The following SGCG variants were observed in gnomAD, a reference collection of about 807,000 sequenced individuals.
The protein encoded by SGCG is sarcoglycan gamma, also known as gamma-sarcoglycan.
Under a neutral mutation model 29.3 loss-of-function variants are expected in SGCG, and 26 were observed. That is an observed-to-expected ratio of 0.89 (90% CI 0.65 to 1.23). The LOEUF (loss-of-function observed/expected upper bound fraction) is 1.23, where lower values mean the gene tolerates loss of function less well. SGCG is among the 50% of genes most tolerant of loss of function. The pLI is 0.00. For synonymous variants in SGCG, 145 were observed against 129.7 expected (o/e 1.12, Z -0.80); for missense variants, 353 against 356.0 (o/e 0.99, Z 0.07).
intron 4 of SGCG, among the ~76,000 whole-genome samples, chr13:23,273,282 T>C (rs1880937824): frequency 6.6e-6 from 1 of 152,120 alleles, no homozygotes; most frequent in Non-Finnish European, 1.5e-5. Context: ...CCTCCTGGGT[T>C]CAAGCAATTC....
At chr13:23,169,602 C>G in the SGCG span, among the ~76,000 whole-genome samples, 1 of 151,710 alleles carries the variant, frequency 6.6e-6, no homozygotes, top group Admixed American at 6.6e-5. Flanking sequence ...TTGCTTGAAC[C>G]AGGGAGGCAA....
At chr13:23,161,707 A>G in the SGCG span, among the ~76,000 whole-genome samples, 1 of 152,366 alleles carries the variant, frequency 6.6e-6, no homozygotes, top group South Asian at 2.1e-4. Context: ...TTTCATGACA[A>G]TATGCTTCCA....
intron 3 of SGCG, among the ~76,000 whole-genome samples, chr13:23,238,151 G>T (rs946972092): frequency 2.0e-5 from 3 of 152,188 alleles, no homozygotes; most frequent in African/African-American, 7.2e-5. Flanking sequence ...CTCACTGCAT[G>T]AAGAGAGTTT....
At chr13:23,173,181 C>T in the SGCG span, among the ~76,000 whole-genome samples, 3,577 of 152,238 alleles carry the variant, frequency 0.023, 140 homozygotes, top group African/African-American at 0.082. Flanking sequence ...CACTCACCCA[C>T]CAGGTAGCGC....
Position 23,256,996 on chromosome 13 carries a change from C to T in SGCG, c.385+6279C>T, listed in dbSNP as rs144317739. Among the ~76,000 whole-genome samples the T allele has an allele frequency of 2.8e-3, 421 of 152,296 alleles. 2 individuals are homozygous for T. The highest frequency in any genetic ancestry group is 5.0e-3 in the Non-Finnish European group (338 of 68,026). The stretch of plus-strand genomic sequence containing the variant: ...TTGAACTAGTTTACACTCCCACCAA[C>T]GGTGTAAAAGCATTCCTATTTCTCC... On this transcript the variant is annotated intron_variant, in intron 4 of 7. Coordinates refer to ENST00000218867, the MANE Select transcript of SGCG (RefSeq NM_000231.3).
At chr13:23,214,661 G>A (rs61948487) in intron 2 of SGCG, among the ~76,000 whole-genome samples, 10,348 of 152,082 alleles carry the variant, frequency 0.068, 473 homozygotes, top group Middle Eastern at 0.15. Context: ...AATGATGCCC[G>A]GCTCACACTG....
intron 1 of SGCG, among the ~76,000 whole-genome samples, chr13:23,191,995 G>A (rs892447534): frequency 6.6e-6 from 1 of 151,870 alleles, no homozygotes; most frequent in African/African-American, 2.4e-5. Context: ...CTAACACGGC[G>A]AAACCCCGTC....
chr13:23,162,066 A>C, the SGCG span, among the ~76,000 whole-genome samples: 1 of 152,234 alleles, frequency 6.6e-6, no homozygotes, highest in African/African-American at 2.4e-5. Context: ...AAAATCAATA[A>C]ACTTTCACGT....
intron 1 of SGCG, among the ~76,000 whole-genome samples, chr13:23,196,559 T>C (rs914890767): frequency 1.8e-4 from 28 of 152,218 alleles, no homozygotes; most frequent in Non-Finnish European, 4.4e-5. Context: ...TTGGTATGTT[T>C]ATTCGTCACG....
At chr13:23,304,366 A>C (rs1882284249) in intron 6 of SGCG, among the ~76,000 whole-genome samples, 1 of 152,014 alleles carries the variant, frequency 6.6e-6, no homozygotes, top group South Asian at 2.1e-4. Flanking sequence ...GTGAGGTATG[A>C]GGTATAAGGT....
intron 4 of SGCG, among the ~76,000 whole-genome samples, chr13:23,261,058 AT>A: frequency 6.6e-6 from 1 of 151,894 alleles, no homozygotes; most frequent in East Asian, 1.9e-4. Flanking sequence ...TGTTCTTTGT[AT>A]TTCCTGAATT....
At chr13:23,191,615 T>C (rs957348338) in intron 1 of SGCG, among the ~76,000 whole-genome samples, 6 of 152,188 alleles carry the variant, frequency 3.9e-5, no homozygotes, top group African/African-American at 1.4e-4. Context: ...CATCATAAAA[T>C]TATCCTTGTA....
At chr13:23,264,665 G>A (rs34821860) in intron 4 of SGCG, among the ~76,000 whole-genome samples, 51,642 of 151,942 alleles carry the variant, frequency 0.34, 9,445 homozygotes, top group Non-Finnish European at 0.4. Flanking sequence ...CACATTACCG[G>A]ACTTCAAATT....
Position 23,218,325 on chromosome 13 carries a change from A to G in SGCG, c.195+14436A>G, listed in dbSNP as rs568427699. Among the ~76,000 whole-genome samples the G allele has an allele frequency of 1.1e-4, 16 of 152,314 alleles. 1 individual carries two copies. Among genetic ancestry groups the G allele is most frequent in the Admixed American group, 9.2e-4 (14 of 15,298 alleles). ...GGAAGATATATGTAAGTTCTTTATAAAACTACAATAATTCAACCCTTATGG... is the reference window on the plus strand; with the variant it reads ...GGAAGATATATGTAAGTTCTTTATAGAACTACAATAATTCAACCCTTATGG... On this transcript the variant is annotated intron_variant, in intron 2 of 7. Coordinates refer to ENST00000218867, the MANE Select transcript of SGCG (RefSeq NM_000231.3).
chr13:23,258,571 C>G (rs1473680075), intron 4 of SGCG, among the ~76,000 whole-genome samples: 1 of 152,188 alleles, frequency 6.6e-6, no homozygotes, highest in East Asian at 1.9e-4. Flanking sequence ...CTGGCCAGAA[C>G]TTCCAACACT....
At chr13:23,224,965 C>T (rs75446581) in intron 2 of SGCG, among the ~76,000 whole-genome samples, 1 of 152,028 alleles carries the variant, frequency 6.6e-6, no homozygotes, top group Admixed American at 6.6e-5. Flanking sequence ...CCAGTGAGCA[C>T]GGTCCCTGGA....
chr13:23,275,639 A>G (rs1881043746), intron 4 of SGCG, among the ~76,000 whole-genome samples: 1 of 152,216 alleles, frequency 6.6e-6, no homozygotes, highest in African/African-American at 2.4e-5. Flanking sequence ...CTGCTCAGGA[A>G]ATTCTCAAGC....
chr13:23,318,242 A>T (rs1451200704), intron 6 of SGCG, among the ~76,000 whole-genome samples: 1 of 152,064 alleles, frequency 6.6e-6, no homozygotes, highest in African/African-American at 2.4e-5. Flanking sequence ...CCTACTAGTT[A>T]TGTCCCTCTA....
chr13:23,305,595 T>C (rs1882335026), intron 6 of SGCG, among the ~76,000 whole-genome samples: 1 of 152,226 alleles, frequency 6.6e-6, no homozygotes, highest in Admixed American at 6.5e-5. Flanking sequence ...CATCACTGCC[T>C]TTTTCCAGTC....
Sources: gnomAD v4.1 joint callset for allele counts (sites outside exome capture counted in the v4.1 genomes callset) on GRCh38, gnomAD v4.1.1 for gene constraint, MANE v1.5 for transcripts, NCBI Gene and HGNC (gene_info 2026-07-23, HGNC 2026-07-21) for gene names.